OXCT1: variants seen among roughly 807,000 people sequenced by gnomAD.
OXCT1 encodes the protein succinyl-CoA:3-ketoacid coenzyme A transferase 1, mitochondrial.
OXCT1 carries 27 observed loss-of-function variants against 69.6 expected under a neutral mutation model. The observed-to-expected ratio is 0.39, with a 90% CI of 0.29 to 0.54. The LOEUF (loss-of-function observed/expected upper bound fraction) is 0.54, where lower values mean the gene tolerates loss of function less well. Among genes scored for constraint, OXCT1 ranks in the 20% least tolerant of loss-of-function variants. The pLI is 0.72. For missense variants in OXCT1, 437 were observed against 650.2 expected, an observed-to-expected ratio of 0.67 and a Z score of 3.57; for synonymous variants, 202 against 217.8, an observed-to-expected ratio of 0.93 and a Z score of 0.64.
chr5:41,785,662 G>C (rs892069997), intron 13 of OXCT1, among the ~76,000 whole-genome samples: 1 of 152,126 alleles, frequency 6.6e-6, no homozygotes, highest in African/African-American at 2.4e-5. Context: ...AGAAGAGCTA[G>C]GGGATACCAG....
At chr5:41,782,863 T>C (rs1019290619) in intron 13 of OXCT1, among the ~76,000 whole-genome samples, 1 of 152,142 alleles carries the variant, frequency 6.6e-6, no homozygotes, top group African/African-American at 2.4e-5. Context: ...GGTCCTAATA[T>C]TGGCTTAGCT....
intron 3 of OXCT1, among the ~76,000 whole-genome samples, chr5:41,857,271 A>C (rs1478589326): frequency 6.6e-6 from 1 of 152,104 alleles, no homozygotes; most frequent in Non-Finnish European, 1.5e-5. Context: ...TCTTGCTCAC[A>C]CCCTTGTGAT....
chr5:41,781,621 C>G (rs1408897953), intron 13 of OXCT1, among the ~76,000 whole-genome samples: 3 of 152,156 alleles, frequency 2.0e-5, no homozygotes, highest in African/African-American at 7.2e-5. Flanking sequence ...CATACCCCAA[C>G]AGGCCCTCTG....
At chr5:41,852,411 A>G (rs1749220430) in intron 4 of OXCT1, among the ~76,000 whole-genome samples, 1 of 152,186 alleles carries the variant, frequency 6.6e-6, no homozygotes, top group Non-Finnish European at 1.5e-5. Flanking sequence ...GTTATTACCA[A>G]CTTGGCAAAG....
At chr5:41,845,477 C>T (rs568709519) in intron 5 of OXCT1, among the ~76,000 whole-genome samples, 3 of 152,068 alleles carry the variant, frequency 2.0e-5, no homozygotes, top group East Asian at 3.9e-4. Flanking sequence ...GATCATTTTA[C>T]CACAGTGCTT....
intron 13 of OXCT1, among the ~76,000 whole-genome samples, chr5:41,770,526 G>C (rs1300270452): frequency 1.3e-5 from 2 of 152,126 alleles, no homozygotes; most frequent in Non-Finnish European, 2.9e-5. Context: ...TAAGAAACTG[G>C]ATACCCCAAC....
intron 7 of OXCT1, among the ~76,000 whole-genome samples, chr5:41,837,584 T>A (rs1748431043): frequency 6.7e-6 from 1 of 149,682 alleles, no homozygotes; most frequent in Non-Finnish European, 1.5e-5. Context: ...AAGACTACAA[T>A]TGAAATAATT....
At position 41,730,127 on chromosome 5, in the gene OXCT1, C is replaced by T. The variant is rs316759; in HGVS notation, c.*1602G>A. 1 allele frequency: 151,890 copies of T among 152,334 alleles called. 75,728 individuals carry two copies. Among genetic ancestry groups the T allele is most frequent in the Middle Eastern group, 1 (296 of 296 alleles). The allele number at this position is 152,334 out of a possible 1,614,324, so 9.4% of individuals were successfully genotyped here. ...ATTTCTTAACATGTATAGCACTCTTCAATCAAGAATATAAAGTCATCTACT... is the reference window on the plus strand; with the variant it reads ...ATTTCTTAACATGTATAGCACTCTTTAATCAAGAATATAAAGTCATCTACT... On this transcript the variant is annotated 3_prime_UTR_variant, in exon 17 of 17. Transcript: ENST00000196371.
At chr5:41,812,445 T>C (rs1455512171) in intron 7 of OXCT1, among the ~76,000 whole-genome samples, 1 of 152,014 alleles carries the variant, frequency 6.6e-6, no homozygotes, top group African/African-American at 2.4e-5. Context: ...TGTAACAACA[T>C]GGATAGCTTT....
At chr5:41,749,812 G>A (rs372092156) in intron 14 of OXCT1, among the ~76,000 whole-genome samples, 38 of 152,148 alleles carry the variant, frequency 2.5e-4, no homozygotes, top group African/African-American at 8.7e-4. Flanking sequence ...CCAGATGAAT[G>A]GCCAAAGGCA....
At chr5:41,861,279 CTCT>C (rs1561136679) in intron 3 of OXCT1, 32 bp downstream of exon 3, 1 of 1,292,436 alleles carries the variant, frequency 7.7e-7, no homozygotes, top group South Asian at 1.2e-5. Context: ...ATTGGCATTT[CTCT>C]CCAGCCAATT....
chr5:41,736,888 A>G (rs2111982182), intron 16 of OXCT1, among the ~76,000 whole-genome samples: 1 of 152,370 alleles, frequency 6.6e-6, no homozygotes, highest in African/African-American at 2.4e-5. Flanking sequence ...GTACAATGCT[A>G]GCTATGCAGT....
intron 14 of OXCT1, among the ~76,000 whole-genome samples, chr5:41,752,116 A>G (rs752288254): frequency 6.6e-6 from 1 of 152,258 alleles, no homozygotes; most frequent in Middle Eastern, 3.4e-3. Context: ...TAGCATTTAA[A>G]AATAAATCCT....
chr5:41,856,443 T>G (rs1749433034), intron 3 of OXCT1, among the ~76,000 whole-genome samples: 1 of 152,178 alleles, frequency 6.6e-6, no homozygotes, highest in South Asian at 2.1e-4. Flanking sequence ...ACATTTCTCC[T>G]GATGCCACCT....
At chr5:41,764,982 A>G (rs1321467352) in intron 13 of OXCT1, among the ~76,000 whole-genome samples, 1 of 152,220 alleles carries the variant, frequency 6.6e-6, no homozygotes, top group East Asian at 1.9e-4. Flanking sequence ...TATTGGAAAC[A>G]GAAAATAAAA....
At chr5:41,830,636 A>C in intron 7 of OXCT1, among the ~76,000 whole-genome samples, 1 of 152,212 alleles carries the variant, frequency 6.6e-6, no homozygotes, top group East Asian at 1.9e-4. Context: ...CTGCGTATGG[A>C]TGTGTGTGTT....
At chr5:41,821,828 G>C (rs1747565683) in intron 7 of OXCT1, among the ~76,000 whole-genome samples, 1 of 152,134 alleles carries the variant, frequency 6.6e-6, no homozygotes, top group Non-Finnish European at 1.5e-5. Context: ...GCATATGTTT[G>C]ACACCAGTCT....
intron 16 of OXCT1, 107 bp from the exon 17 acceptor site, chr5:41,731,877 A>G (rs1742651068): frequency 3.8e-6 from 5 of 1,299,102 alleles, no homozygotes; most frequent in East Asian, 2.5e-5. Flanking sequence ...CAGCCTTGCC[A>G]TGGACATTCC....
At chr5:41,755,247 T>C (rs1744003956) in intron 14 of OXCT1, among the ~76,000 whole-genome samples, 1 of 152,070 alleles carries the variant, frequency 6.6e-6, no homozygotes, top group Non-Finnish European at 1.5e-5. Context: ...AGAGTTTTAC[T>C]AGTTGTTGGA....
Sources: allele counts gnomAD v4.1 joint callset (sites outside exome capture counted in the v4.1 genomes callset), GRCh38; gene constraint gnomAD v4.1.1; transcripts MANE v1.5; gene names NCBI Gene and HGNC (gene_info 2026-07-23, HGNC 2026-07-21).